Variants in SLC38A1 observed in about 807,000 individuals in gnomAD.
SLC38A1 encodes solute carrier family 38 member 1, also known as sodium-coupled neutral amino acid symporter 1.
A neutral mutation model predicts 60.3 loss-of-function variants in SLC38A1; 18 were observed. The observed-to-expected ratio is 0.30, with a 90% CI of 0.21 to 0.44. SLC38A1 has a LOEUF of 0.44. Among genes scored for constraint, SLC38A1 ranks in the 20% least tolerant of loss-of-function variants. The pLI, the probability that SLC38A1 is intolerant of heterozygous loss-of-function variation, is 1.00. For synonymous variants in SLC38A1, 196 were observed against 212.1 expected, an observed-to-expected ratio of 0.92 and a Z score of 0.66; for missense variants, 448 against 587.2, an observed-to-expected ratio of 0.76 and a Z score of 2.45.
chr12:46,195,772 T>G, intron 16 of SLC38A1: 1 of 214,352 alleles, frequency 4.7e-6, no homozygotes, highest in Non-Finnish European at 9.7e-6. Flanking sequence ...CACGGGAGGG[T>G]ATTACCTGGT....
chr12:46,257,871 T>G (rs896299569), intron 1 of SLC38A1, among the ~76,000 whole-genome samples: 8 of 152,162 alleles, frequency 5.3e-5, no homozygotes, highest in Non-Finnish European at 1.2e-4. Flanking sequence ...CCCCAGAAGA[T>G]GGGGTTCTTA....
intron 1 of SLC38A1, among the ~76,000 whole-genome samples, chr12:46,257,231 G>T (rs1347486777): frequency 6.6e-6 from 1 of 152,166 alleles, no homozygotes; most frequent in East Asian, 1.9e-4. Context: ...AGCAGAGACT[G>T]CCAGGCAGAT....
intron 6 of SLC38A1, 151 bp downstream of exon 6, chr12:46,208,903 A>G (rs185124252): frequency 1.8e-6 from 1 of 547,802 alleles, no homozygotes; most frequent in Admixed American, 3.9e-5. Flanking sequence ...CTAGATAAAT[A>G]CTACTATAGG....
chr12:46,207,563 T>A lies in SLC38A1; in HGVS notation c.447A>T (p.Val149=), dbSNP rs1939965105. The A allele has an allele frequency of 6.2e-7, 1 of 1,613,898 alleles. No homozygotes were observed. Among genetic ancestry groups the A allele is most frequent in the African/African-American group, 1.3e-5 (1 of 74,926 alleles). The change falls in exon 7 of 17, where the codon GTA becomes GTT. Residue 149 remains valine, a synonymous_variant. Coordinates refer to ENST00000398637, the MANE Select transcript of SLC38A1 (RefSeq NM_030674.4). ...EQVFGTTGKF[V]IFGATSLQNT... ...TCTGTAGAGAGGTGGCTCCAAAGAT[T>A]ACGAACTTCCCTGTGGTGCCAAAGA... is the stretch of plus-strand genomic sequence containing the variant.
In SLC38A1 at chr12:46,207,146, A is replaced by G. The variant is rs1939943961; in HGVS notation, c.563+9T>C. The G allele has an allele frequency of 1.3e-6, 2 of 1,588,318 alleles. No homozygotes were observed. Among genetic ancestry groups the G allele is most frequent in the Non-Finnish European group, 1.7e-6 (2 of 1,162,224 alleles). On this transcript the variant is annotated intron_variant, in intron 8 of 16. Transcript: ENST00000398637. ...TAGTTATATCATAAAAAAATGGTCT[A>G]TAACTTACGAAAATGTCTCTTCCTT... is the stretch of plus-strand genomic sequence containing the variant.
chr12:46,239,820 T>C lies in SLC38A1; in HGVS notation c.-20A>G, dbSNP rs975133236. ...CATCATGATTAGAAAGTGTCTGTAG[T>C]TTGAAAATTAGTCCAAATTTCTCCT... On this transcript the variant is annotated 5_prime_UTR_variant, in exon 3 of 17. Transcript: ENST00000398637. The C allele has an allele frequency of 2.5e-6, 4 of 1,610,942 alleles. No homozygotes were observed. Among genetic ancestry groups the C allele is most frequent in the South Asian group, 2.2e-5 (2 of 90,956 alleles).
intron 1 of SLC38A1, among the ~76,000 whole-genome samples, chr12:46,248,738 G>A (rs1298424430): frequency 3.9e-5 from 6 of 152,016 alleles, no homozygotes; most frequent in Non-Finnish European, 7.4e-5. Flanking sequence ...GCACTACATC[G>A]CACTTATTCC....
intron 5 of SLC38A1, among the ~76,000 whole-genome samples, chr12:46,220,012 C>T (rs1339618163): frequency 3.3e-5 from 5 of 152,226 alleles, no homozygotes; most frequent in African/African-American, 1.2e-4. Flanking sequence ...ATTCTTAGAA[C>T]CCCCTTATCA....
In SLC38A1 at chr12:46,229,601, G is replaced by C; in HGVS notation, c.161C>G (p.Thr54Arg). ...CTTCTTTTTTTCCAAATGGCTGTTT[G>C]TGAGACTTCTTCTACTTTCACGATC... ...ISDRESRRSL[T>R]NSHLEKKKCD... is the part of the protein sequence containing the mutation. The change falls in exon 4 of 17, where the codon ACA becomes AGA. Residue 54 changes from threonine (T) to arginine (R), a missense_variant. Transcript: ENST00000398637. 1 of 1,613,550 alleles carries C rather than the reference G, an allele frequency of 6.2e-7. No homozygotes were observed. Among genetic ancestry groups the C allele is most frequent in the Non-Finnish European group, 8.5e-7 (1 of 1,179,774 alleles).
intron 5 of SLC38A1, among the ~76,000 whole-genome samples, chr12:46,224,071 T>A (rs542849016): frequency 6.6e-6 from 1 of 152,206 alleles, no homozygotes; most frequent in African/African-American, 2.4e-5. Context: ...TCTGCTATGA[T>A]GGAGTTATGG....
intron 1 of SLC38A1, chr12:46,267,655 C>T (rs1942398722): frequency 1.3e-5 from 2 of 152,348 alleles, no homozygotes; most frequent in African/African-American, 2.4e-5. Flanking sequence ...CGAAGATGCG[C>T]TCTCCTCCCG....
At chr12:46,215,017 G>A (rs1045318336) in intron 5 of SLC38A1, among the ~76,000 whole-genome samples, 5 of 152,204 alleles carry the variant, frequency 3.3e-5, no homozygotes, top group Admixed American at 3.3e-4. Flanking sequence ...TAACGTGTGT[G>A]CAAATTAGGA....
chr12:46,263,607 C>T (rs1942264152), intron 1 of SLC38A1, among the ~76,000 whole-genome samples: 1 of 152,156 alleles, frequency 6.6e-6, no homozygotes, highest in African/African-American at 2.4e-5. Flanking sequence ...CTGTCTGTCT[C>T]CTGCTCAGAG....
At chr12:46,206,187 T>A in intron 8 of SLC38A1, 25 bp from the exon 9 acceptor site, 1 of 1,457,164 alleles carries the variant, frequency 6.9e-7, no homozygotes, top group Non-Finnish European at 9.4e-7. Context: ...AGTGATTAGG[T>A]TATATTTTTT....
chr12:46,208,941 T>G (rs1220131448), intron 6 of SLC38A1, 113 bp downstream of exon 6: 2 of 750,222 alleles, frequency 2.7e-6, no homozygotes, highest in African/African-American at 1.8e-5. Flanking sequence ...GTCAAAATAG[T>G]CTTTCTTTTT....
chr12:46,217,453 T>C (rs1424772053), intron 5 of SLC38A1, among the ~76,000 whole-genome samples: 1 of 152,272 alleles, frequency 6.6e-6, no homozygotes, highest in Non-Finnish European at 1.5e-5. Flanking sequence ...GTTTTCTTTA[T>C]ACTTTATTTC....
chr12:46,204,121 G>A (rs1432874170), intron 11 of SLC38A1, among the ~76,000 whole-genome samples, 180 bp downstream of exon 11: 7 of 152,204 alleles, frequency 4.6e-5, no homozygotes. Flanking sequence ...AAGAGAGAGT[G>A]TAAAATATAA....
chr12:46,258,246 A>G (rs1942094526), intron 1 of SLC38A1, among the ~76,000 whole-genome samples: 1 of 152,208 alleles, frequency 6.6e-6, no homozygotes, highest in Non-Finnish European at 1.5e-5. Flanking sequence ...TCTGTGACTT[A>G]GAATGCTTTA....
In SLC38A1 at chr12:46,229,571, T is replaced by C; in HGVS notation, c.191A>G (p.Asp64Gly). The C allele has an allele frequency of 6.2e-7, 1 of 1,609,780 alleles. No individual in the cohort carries two copies. The highest frequency in any genetic ancestry group is 8.5e-7 in the Non-Finnish European group (1 of 1,176,278). Residue 64 changes from aspartate (D) to glycine (G), a missense_variant, in exon 4 of 17, where the codon GAT (aspartate) becomes GGT (glycine). Asp to Gly is a moderately conservative substitution (Grantham distance 94, BLOSUM62 -1). This residue lies in a region of SLC38A1 where 102 missense variants were observed against 89.7 expected (regional missense o/e 1.14). Transcript: ENST00000398637. ...TNSHLEKKKC[D>G]EYIPGTTSLG... is the part of the protein sequence containing the mutation. The stretch of plus-strand genomic sequence containing the variant: ...CATTATAATGATACTTACATACTCA[T>C]CACACTTCTTTTTTTCCAAATGGCT...
Sources: gnomAD v4.1 joint callset for allele counts (sites outside exome capture counted in the v4.1 genomes callset) on GRCh38, gnomAD v4.1.1 for gene constraint, gnomAD v4.1.1 regional missense constraint, MANE v1.5 for transcripts, NCBI Gene and HGNC (gene_info 2026-07-23, HGNC 2026-07-21) for gene names.